MICALL2: variants seen among roughly 807,000 people sequenced by gnomAD.
The protein encoded by MICALL2 is MICAL like 2, also known as MICAL-like protein 2.
In MICALL2, 111 loss-of-function variants were observed where a neutral mutation model predicts 91.1. That is an observed-to-expected ratio of 1.22 (90% CI 1.04 to 1.43). The LOEUF (loss-of-function observed/expected upper bound fraction) is 1.43. Among genes scored for constraint, MICALL2 ranks in the 40% most tolerant of loss-of-function variants. The probability of loss-of-function intolerance (pLI) is 0.00; values close to 1 mark genes in which losing one functional copy is unlikely to be tolerated. For synonymous variants in MICALL2, 694 were observed against 525.3 expected, an observed-to-expected ratio of 1.32 and a Z score of -4.39; for missense variants, 1,556 against 1,236.0, an observed-to-expected ratio of 1.26 and a Z score of -3.88.
intron 1 of MICALL2, among the ~76,000 whole-genome samples, chr7:1,456,563 G>A (rs2128526641): frequency 6.6e-6 from 1 of 152,274 alleles, no homozygotes; most frequent in South Asian, 2.1e-4. Flanking sequence ...TCCAGCCTGG[G>A]CGACAGAGCT....
At chr7:1,457,190 T>C (rs950654413) in intron 1 of MICALL2, among the ~76,000 whole-genome samples, 1 of 152,128 alleles carries the variant, frequency 6.6e-6, no homozygotes, top group African/African-American at 2.4e-5. Context: ...TCCTACCATA[T>C]CTACTGAACC....
In MICALL2 at chr7:1,447,580, T is replaced by TG; in HGVS notation, c.519dup (p.Lys174GlnfsTer3). The TG allele has an allele frequency of 6.4e-7, 1 of 1,557,312 alleles. No homozygotes were observed. The highest frequency in any genetic ancestry group is 8.7e-7 in the Non-Finnish European group (1 of 1,150,212). ...AGGGTGGGGTGGGAGCTTACAGTCTTGGGGGGCGGGCCCCCTGCACCCTCA... is the reference window on the plus strand; with the variant it reads ...AGGGTGGGGTGGGAGCTTACAGTCTTGGGGGGGCGGGCCCCCTGCACCCTCA... On this transcript the variant is annotated frameshift_variant, in exon 4 of 17. Coordinates refer to ENST00000297508, the MANE Select transcript of MICALL2 (RefSeq NM_182924.4). LOFTEE classifies it high-confidence loss of function.
Position 1,448,646 on chromosome 7 carries a change from T to C in MICALL2, c.308A>G (p.Tyr103Cys), listed in dbSNP as rs1411742323. 1.2e-6 allele frequency: 2 copies of C among 1,612,654 alleles called. No homozygotes were observed. Among genetic ancestry groups the C allele is most frequent in the African/African-American group, 2.7e-5 (2 of 75,036 alleles). Residue 103 changes from tyrosine (Y) to cysteine (C), a missense_variant, in exon 3 of 17, where the codon TAC becomes TGC. Transcript: ENST00000297508. ...LSILTYVSQY[Y>C]NYFHGRSPIG... ...GGGGGAGCGGCCGTGGAAGTAGTTG[T>C]AATACTGGGACACGTAGGTCAAGAT...
rs1463114799 is a variant in MICALL2 at position 1,437,896 on chromosome 7, A to T, written c.2396T>A (p.Met799Lys). The stretch of plus-strand genomic sequence containing the variant: ...CCCACGGCTGGGCTCTCACTTGTAC[A>T]TCAGCTCTGACTCCTGTCTCAGCAG... Reference protein sequence around the residue: ...QLLLRQESELMYKSKAQRLEE... With the variant: ...QLLLRQESELKYKSKAQRLEE... The change falls in exon 13 of 17, where the codon ATG becomes AAG. Residue 799 changes from methionine (M) to lysine (K), a missense_variant. Physicochemically the swap from Met to Lys is moderately conservative, Grantham distance 95 (BLOSUM62 -1). Transcript: ENST00000297508. 1.3e-6 allele frequency: 2 copies of T among 1,548,940 alleles called. No homozygotes were observed. Among genetic ancestry groups the T allele is most frequent in the Admixed American group, 2.0e-5 (1 of 50,998 alleles).
intron 15 of MICALL2, 103 bp from the exon 16 acceptor site, chr7:1,435,250 G>A (rs998547965): frequency 4.2e-5 from 50 of 1,201,696 alleles, no homozygotes; most frequent in Admixed American, 8.9e-5. Context: ...CCTGAGTCCC[G>A]CCTGGACCCA....
rs1301520374 is a variant in MICALL2 at position 1,445,221 on chromosome 7, T to A, written c.849A>T (p.Arg283Ser). 3 of 1,609,610 alleles carry A rather than the reference T, an allele frequency of 1.9e-6. No homozygotes were observed. Among genetic ancestry groups the A allele is most frequent in the East Asian group, 4.5e-5 (2 of 44,720 alleles). The change falls in exon 6 of 17, where the codon AGA becomes AGT. Residue 283 changes from arginine to serine, a missense_variant. Coordinates refer to ENST00000297508, the MANE Select transcript of MICALL2 (RefSeq NM_182924.4). ...CCGCAGCAGGCTCCCAGGCCGACGG[T>A]CTGGCCTTGTTTGCCTCCTGGGCCT... ...PQKAQEANKA[R>S]PSAWEPAAGN...
At chr7:1,434,698 C>A (rs566576846) in intron 16 of MICALL2, 26 bp from the exon 17 acceptor site, 3 of 1,530,188 alleles carry the variant, frequency 2.0e-6, no homozygotes, top group Admixed American at 4.5e-5. Context: ...ACAGTGAGGC[C>A]GTGCTCAACG....
rs1400495657 is a variant in MICALL2, at chr7:1,453,000, A to G, written c.144-2712T>C. Among the ~76,000 whole-genome samples the G allele has an allele frequency of 1.3e-5, 2 of 151,630 alleles. No homozygotes were observed. Among genetic ancestry groups the G allele is most frequent in the African/African-American group, 2.4e-5 (1 of 41,224 alleles). On this transcript the variant is annotated intron_variant, in intron 1 of 16. Coordinates refer to ENST00000297508, the MANE Select transcript of MICALL2 (RefSeq NM_182924.4). This position sits in a 1 kb window ranked among gnomAD's most constrained non-coding sequence, Gnocchi z 6.2. ...GATGCACCCGCCAGGCCCTCCCCAG[A>G]TGCACCTTGCTGTCCCCGAGCTCAC...
intron 1 of MICALL2, among the ~76,000 whole-genome samples, chr7:1,458,594 C>G (rs547647044): frequency 1.3e-5 from 2 of 152,258 alleles, no homozygotes; most frequent in African/African-American, 4.8e-5. Context: ...GGAGAGACAG[C>G]CTAGTCCTCA....
rs1779864501 is a variant in MICALL2 at position 1,434,542 on chromosome 7, C to T, written c.*54G>A. The T allele has an allele frequency of 6.6e-7, 1 of 1,509,478 alleles. No homozygotes were observed. Among genetic ancestry groups the T allele is most frequent in the South Asian group, 1.1e-5 (1 of 88,872 alleles). 93.5% of individuals were successfully genotyped at this position (1,509,478 alleles called of 1,614,324 possible). A position where few individuals can be genotyped will look rare whatever the true frequency, so the allele number is the denominator to read the frequency against. ...CCGGGTCCGGGCCAAGCCCATGGCC[C>T]CGAGTCCAAGTCCGGATGCCAGGTC... On this transcript the variant is annotated 3_prime_UTR_variant, in exon 17 of 17. Coordinates refer to ENST00000297508, the MANE Select transcript of MICALL2 (RefSeq NM_182924.4).
intron 9 of MICALL2, 22 bp downstream of exon 9, chr7:1,439,903 C>T: frequency 7.1e-7 from 1 of 1,417,900 alleles, no homozygotes; most frequent in Non-Finnish European, 9.2e-7. Context: ...CCCGGGGGCC[C>T]CTGGGTCCCG....
chr7:1,448,849 G>C, intron 2 of MICALL2, 88 bp from the exon 3 acceptor site: 1 of 1,517,016 alleles, frequency 6.6e-7, no homozygotes, highest in Non-Finnish European at 9.0e-7. Context: ...CAAAGACACA[G>C]TCTTGGAGCC....
intron 4 of MICALL2, 34 bp from the exon 5 acceptor site, chr7:1,446,862 G>C: frequency 6.9e-7 from 1 of 1,442,434 alleles, no homozygotes; most frequent in Non-Finnish European, 9.4e-7. Context: ...CTGAGCAGCC[G>C]TCCACCCAGC....
At position 1,445,339 on chromosome 7, in the gene MICALL2, G is replaced by A. The variant is rs778055116; in HGVS notation, c.731C>T (p.Ala244Val). The change falls in exon 6 of 17, where the codon GCA (alanine) becomes GTA (valine). Residue 244 changes from alanine to valine, a missense_variant. Coordinates refer to ENST00000297508, the MANE Select transcript of MICALL2 (RefSeq NM_182924.4). ...GTFVCTSHLP[A>V]AASASPKLTG... ...CAACTTGGGGCTTGCAGAGGCGGCT[G>A]CGGGGAGGTGGCTGGTGCAGACGAA... The A allele has an allele frequency of 3.1e-6, 5 of 1,605,142 alleles. No homozygotes were observed. The Admixed American group carries it at 8.4e-5, about 27-fold the overall frequency.
chr7:1,440,800 C>T, intron 7 of MICALL2, 116 bp from the exon 8 acceptor site: 1 of 858,384 alleles, frequency 1.2e-6, no homozygotes, highest in Non-Finnish European at 1.9e-6. Context: ...CCTCAGACAC[C>T]CCCACAGCCA....
In MICALL2 at chr7:1,440,733, G is replaced by A. The variant is rs567771010; in HGVS notation, c.1712-49C>T. ...GGTGTGAGGAAGGAGTGCTGGGAATGGGGTGTCTGCAAGGGTGGCTGTGCC... is the reference window on the plus strand; with the variant it reads ...GGTGTGAGGAAGGAGTGCTGGGAATAGGGTGTCTGCAAGGGTGGCTGTGCC... On this transcript the variant is annotated intron_variant, in intron 7 of 16. Coordinates refer to ENST00000297508, the MANE Select transcript of MICALL2 (RefSeq NM_182924.4). The A allele has an allele frequency of 2.7e-6, 4 of 1,507,802 alleles. No individual in the cohort carries two copies. The South Asian group carries it at 3.4e-5, about 13-fold the overall frequency. The allele number at this position is 1,507,802 out of a possible 1,614,324, so 93.4% of individuals were successfully genotyped here. A position where few individuals can be genotyped will look rare whatever the true frequency, so the allele number is the denominator to read the frequency against.
At chr7:1,443,965 G>A (rs1444129246) in intron 6 of MICALL2, among the ~76,000 whole-genome samples, 5 of 152,218 alleles carry the variant, frequency 3.3e-5, no homozygotes, top group African/African-American at 4.8e-5. Context: ...TCAGGGCCTG[G>A]CTGGACTCAG....
Position 1,437,526 on chromosome 7 carries a change from G to A in MICALL2, c.2476+9C>T. The A allele has an allele frequency of 4.0e-6, 6 of 1,516,490 alleles. No homozygotes were observed. Among genetic ancestry groups the A allele is most frequent in the Non-Finnish European group, 4.4e-6 (5 of 1,140,162 alleles). 93.9% of individuals were successfully genotyped at this position (1,516,490 alleles called of 1,614,324 possible). A position where few individuals can be genotyped will look rare whatever the true frequency, so the allele number is the denominator to read the frequency against. ...CTGGGGCCCCTTGGCTGGCGCGCGG[G>A]GGACGCACCGGGCTTGGCCATGAGC... On this transcript the variant is annotated intron_variant, in intron 14 of 16. Transcript: ENST00000297508.
chr7:1,434,919 G>A, intron 16 of MICALL2, 182 bp downstream of exon 16: 2 of 748,326 alleles, frequency 2.7e-6, no homozygotes, highest in Non-Finnish European at 4.3e-6. Context: ...GGGCGGGAGG[G>A]AGCTCTCACC....
Sources: gnomAD v4.1 joint callset for allele counts (sites outside exome capture counted in the v4.1 genomes callset) on GRCh38, gnomAD v4.1.1 for gene constraint, Gnocchi (gnomAD v3.1) non-coding constraint, MANE v1.5 for transcripts, NCBI Gene and HGNC (gene_info 2026-07-23, HGNC 2026-07-21) for gene names.